Variants in TAS1R2 observed in about 807,000 individuals in gnomAD.
The protein encoded by TAS1R2 is taste 1 receptor member 2.
A neutral mutation model predicts 49.3 loss-of-function variants in TAS1R2; 47 were observed. That is an observed-to-expected ratio of 0.95 (90% CI 0.75 to 1.22). The LOEUF (loss-of-function observed/expected upper bound fraction) is 1.22, where lower values mean the gene tolerates loss of function less well. Ranked by LOEUF, TAS1R2 falls within the 50% of genes most tolerant of loss-of-function variation. The pLI, the probability that TAS1R2 is intolerant of heterozygous loss-of-function variation, is 0.00. For missense variants in TAS1R2, 1,155 were observed against 1,122.1 expected, an observed-to-expected ratio of 1.03 and a Z score of -0.42; for synonymous variants, 479 against 467.9, an observed-to-expected ratio of 1.02 and a Z score of -0.31.
chr1:18,846,416 C>T (rs981066603), intron 4 of TAS1R2, among the ~76,000 whole-genome samples: 2 of 152,188 alleles, frequency 1.3e-5, no homozygotes, highest in African/African-American at 2.4e-5. Flanking sequence ...TTCCCTGTTC[C>T]CTGTGGAACT....
chr1:18,856,218 C>A (rs1322836634), intron 2 of TAS1R2, among the ~76,000 whole-genome samples: 1 of 152,170 alleles, frequency 6.6e-6, no homozygotes, highest in African/African-American at 2.4e-5. Flanking sequence ...TCATCTAGTT[C>A]CGCAAACATA....
chr1:18,858,104 C>T (rs535888703), intron 1 of TAS1R2, among the ~76,000 whole-genome samples: 95 of 152,166 alleles, frequency 6.2e-4, no homozygotes, highest in Admixed American at 1.8e-3. Flanking sequence ...TCATCACCAC[C>T]ATCACCACCA....
chr1:18,859,360 G>A, intron 1 of TAS1R2, 119 bp downstream of exon 1: 1 of 1,245,704 alleles, frequency 8.0e-7, no homozygotes, highest in Non-Finnish European at 1.1e-6. Flanking sequence ...GGTTGGCAAT[G>A]AATGGGGAGG....
chr1:18,854,186 C>T lies in TAS1R2; in HGVS notation c.1257+27G>A, dbSNP rs771614683. The T allele has an allele frequency of 6.2e-7, 1 of 1,602,526 alleles. No homozygotes were observed. Among genetic ancestry groups the T allele is most frequent in the South Asian group, 1.1e-5 (1 of 89,798 alleles). ...AGGGGAGGAGGATGGAGGTGCCCTG[C>T]AGACTCTATGGCAGCCACCCCCTCA... On this transcript the variant is annotated intron_variant, in intron 3 of 5. Coordinates refer to ENST00000375371, the Ensembl canonical transcript of TAS1R2. The surrounding 1 kb of genome is among the most constrained non-coding windows in gnomAD (Gnocchi z 4.9).
intron 3 of TAS1R2, among the ~76,000 whole-genome samples, chr1:18,849,917 G>A (rs1279208806): frequency 6.6e-6 from 1 of 152,190 alleles, no homozygotes; most frequent in Non-Finnish European, 1.5e-5. Context: ...CCTGAGACAG[G>A]AAGCACTCCT....
chr1:18,851,261 G>A (rs1934018785), intron 3 of TAS1R2, among the ~76,000 whole-genome samples: 1 of 152,146 alleles, frequency 6.6e-6, no homozygotes, highest in Non-Finnish European at 1.5e-5. Flanking sequence ...GAAATAAAAG[G>A]ATTGGACCAG....
chr1:18,855,048 G>T, intron 2 of TAS1R2, 62 bp from the exon 3 acceptor site: 1 of 1,559,584 alleles, frequency 6.4e-7, no homozygotes, highest in Non-Finnish European at 8.7e-7. Flanking sequence ...CCCCACCCCA[G>T]GGCTCTATCC....
rs1934098934 is a variant in TAS1R2 at position 18,854,613 on chromosome 1, T to C, written c.857A>G (p.Asn286Ser). Residue 286 changes from asparagine to serine, a missense_variant, in exon 3 of 6, where the codon AAT (asparagine) becomes AGT (serine). Physicochemically the swap from Asn to Ser is conservative, Grantham distance 46. Transcript: ENST00000375371. This position sits in a 1 kb window ranked among gnomAD's most constrained non-coding sequence, Gnocchi z 4.9. ...AGTGAAGTTCTGGCGCAGCACCTCATTGAAGAAGTGGTACAGGGTCAGGTC... is the reference window on the plus strand; with the variant it reads ...AGTGAAGTTCTGGCGCAGCACCTCACTGAAGAAGTGGTACAGGGTCAGGTC... 1.9e-6 allele frequency: 3 copies of C among 1,614,066 alleles called. No individual in the cohort carries two copies. The highest frequency in any genetic ancestry group is 1.3e-5 in the African/African-American group (1 of 75,050).
At position 18,839,738 on chromosome 1, in the gene TAS1R2, AAGAGG is replaced by A; in HGVS notation, c.2376_2380del (p.Leu793GlyfsTer?). The stretch of plus-strand genomic sequence containing the variant: ...GGCCAGGAGGTTGAGCACAGTGACC[AAGAGG>A]TCCACGATGGTGACCAGCACCCCGC... On this transcript the variant is annotated frameshift_variant, in exon 6 of 6. Coordinates refer to ENST00000375371, the Ensembl canonical transcript of TAS1R2. LOFTEE classifies it high-confidence loss of function. 2 of 1,614,222 alleles carry A rather than the reference AAGAGG, an allele frequency of 1.2e-6. No homozygotes were observed. The highest frequency in any genetic ancestry group is 1.6e-4 in the Middle Eastern group (1 of 6,062).
intron 3 of TAS1R2, 104 bp from the exon 4 acceptor site, chr1:18,849,654 C>T: frequency 7.7e-7 from 1 of 1,297,914 alleles, no homozygotes. Flanking sequence ...CCTTGATTTC[C>T]AACTCTGTAA....
intron 4 of TAS1R2, among the ~76,000 whole-genome samples, chr1:18,844,677 C>A (rs976849705): frequency 6.6e-6 from 1 of 152,118 alleles, no homozygotes; most frequent in Admixed American, 6.5e-5. Context: ...TCTCTTGATC[C>A]CTGGGGGCGG....
Position 18,854,636 on chromosome 1 carries a change from G to T in TAS1R2, c.834C>A (p.Asp278Glu), listed in dbSNP as rs764633596. ...CATTGAAGAAGTGGTACAGGGTCAGGTCGGGCGAGAACACGACCACGACGC... is the reference window on the plus strand; with the variant it reads ...CATTGAAGAAGTGGTACAGGGTCAGTTCGGGCGAGAACACGACCACGACGC... Residue 278 changes from aspartate to glutamate, a missense_variant, in exon 3 of 6, where the codon GAC becomes GAA. Coordinates refer to ENST00000375371, the Ensembl canonical transcript of TAS1R2. The surrounding 1 kb of genome is among the most constrained non-coding windows in gnomAD (Gnocchi z 4.9). 7 of 1,614,122 alleles carry T rather than the reference G, an allele frequency of 4.3e-6. No individual in the cohort carries two copies. In the Admixed American group the frequency reaches 1.0e-4, roughly 23 times the overall value.
intron 3 of TAS1R2, among the ~76,000 whole-genome samples, chr1:18,850,314 C>T (rs922627512): frequency 2.0e-5 from 3 of 152,242 alleles, no homozygotes; most frequent in Non-Finnish European, 4.4e-5. Flanking sequence ...GACCTGGCTC[C>T]TAGATTTTCC....
rs753302444 is a variant in TAS1R2 at position 18,841,862 on chromosome 1, G to A, written c.1468-10C>T. ...ACATGGACATAGGGATCTGGAGGGA[G>A]GAGGGCAAGAGACCCTGAGTCCTCT... is the stretch of plus-strand genomic sequence containing the variant. On this transcript the variant is annotated splice_polypyrimidine_tract_variant and intron_variant, in intron 4 of 5. Transcript: ENST00000375371. The A allele has an allele frequency of 2.5e-6, 4 of 1,585,946 alleles. No homozygotes were observed. Among genetic ancestry groups the A allele is most frequent in the African/African-American group, 2.7e-5 (2 of 74,440 alleles).
At chr1:18,855,246 GC>G (rs35536592) in intron 2 of TAS1R2, among the ~76,000 whole-genome samples, 14,659 of 152,198 alleles carry the variant, frequency 0.096, 736 homozygotes, top group South Asian at 0.15. Context: ...CACACCCTGG[GC>G]CAAGCCACAT....
chr1:18,843,253 G>A (rs1359927688), intron 4 of TAS1R2, among the ~76,000 whole-genome samples: 1 of 152,212 alleles, frequency 6.6e-6, no homozygotes, highest in Non-Finnish European at 1.5e-5. Flanking sequence ...GTAGAAAGTA[G>A]CAAGCACTTT....
intron 3 of TAS1R2, among the ~76,000 whole-genome samples, chr1:18,850,403 G>A (rs534652503): frequency 6.6e-6 from 1 of 152,230 alleles, no homozygotes; most frequent in African/African-American, 2.4e-5. Context: ...CAGACAGGTA[G>A]CCAAGGGAGT....
At chr1:18,852,013 T>G (rs1346290097) in intron 3 of TAS1R2, among the ~76,000 whole-genome samples, 2 of 152,200 alleles carry the variant, frequency 1.3e-5, no homozygotes, top group East Asian at 3.8e-4. Context: ...GTCCGGCACA[T>G]AAGTGCCCAT....
At chr1:18,841,969 G>A (rs572905350) in intron 4 of TAS1R2, 117 bp from the exon 5 acceptor site, 2 of 1,246,128 alleles carry the variant, frequency 1.6e-6, no homozygotes, top group Admixed American at 2.7e-5. Context: ...CCTAGGTTTT[G>A]GGGTGGAAAC....
Sources: gnomAD v4.1 joint callset for allele counts (sites outside exome capture counted in the v4.1 genomes callset) on GRCh38, gnomAD v4.1.1 for gene constraint, Gnocchi (gnomAD v3.1) non-coding constraint, MANE v1.5 for transcripts, NCBI Gene and HGNC (gene_info 2026-07-23, HGNC 2026-07-21) for gene names.